Variants in TAS2R1 observed in about 807,000 individuals in gnomAD.
The protein encoded by TAS2R1 is taste 2 receptor member 1.
For synonymous variants in TAS2R1, 141 were observed against 134.2 expected (o/e 1.05, Z -0.35); for missense variants, 370 against 353.4 (o/e 1.05, Z -0.38).
At chr5:9,879,700 T>C in the TAS2R1 span, among the ~76,000 whole-genome samples, 2 of 152,162 alleles carry the variant, frequency 1.3e-5, no homozygotes, top group Non-Finnish European at 2.9e-5. Flanking sequence ...GCCTGACCCA[T>C]AGAGATGTGA....
chr5:9,826,578 T>A, the TAS2R1 span, among the ~76,000 whole-genome samples: 1 of 152,224 alleles, frequency 6.6e-6, no homozygotes, highest in Admixed American at 6.5e-5. Context: ...CATTAATTAG[T>A]AAATTTTCCA....
At chr5:9,886,761 G>A in the TAS2R1 span, among the ~76,000 whole-genome samples, 1,900 of 152,158 alleles carry the variant, frequency 0.012, 39 homozygotes, top group African/African-American at 0.043. Context: ...TCAAAAAACT[G>A]TCTATTGGGT....
the TAS2R1 span, among the ~76,000 whole-genome samples, chr5:9,872,348 C>T: frequency 0.086 from 13,122 of 152,192 alleles, 667 homozygotes; most frequent in East Asian, 0.2. Context: ...GCAGTTCACA[C>T]CAACAAAGAG....
the TAS2R1 span, among the ~76,000 whole-genome samples, chr5:9,786,288 A>G: frequency 2.0e-5 from 3 of 152,210 alleles, no homozygotes; most frequent in African/African-American, 7.2e-5. Flanking sequence ...CATATTTCCT[A>G]GGAAAGATGT....
At chr5:9,679,272 T>C (rs1009131723) in intron 1 of TAS2R1, among the ~76,000 whole-genome samples, 2 of 152,206 alleles carry the variant, frequency 1.3e-5, no homozygotes, top group Non-Finnish European at 2.9e-5. Context: ...AATAATACCG[T>C]GATGGCAAAT....
chr5:9,660,256 T>A (rs1740508543), intron 1 of TAS2R1, among the ~76,000 whole-genome samples: 1 of 141,216 alleles, frequency 7.1e-6, no homozygotes, highest in East Asian at 2.0e-4. Context: ...TTTTGTATTT[T>A]TAGTAGAGAC....
intron 1 of TAS2R1, among the ~76,000 whole-genome samples, chr5:9,668,654 C>G (rs747885239): frequency 6.6e-6 from 1 of 152,020 alleles, no homozygotes; most frequent in Non-Finnish European, 1.5e-5. Context: ...TTATATCTGG[C>G]CAAATTAAGA....
chr5:9,890,468 T>C, the TAS2R1 span, among the ~76,000 whole-genome samples: 2 of 152,150 alleles, frequency 1.3e-5, no homozygotes, highest in African/African-American at 4.8e-5. Flanking sequence ...TTGTAATCAT[T>C]ATTATCTTTT....
At chr5:9,814,778 G>A in the TAS2R1 span, among the ~76,000 whole-genome samples, 1 of 152,136 alleles carries the variant, frequency 6.6e-6, no homozygotes, top group African/African-American at 2.4e-5. Flanking sequence ...AAAAAAAAGT[G>A]TATGACTTTG....
At chr5:9,805,574 A>G in the TAS2R1 span, among the ~76,000 whole-genome samples, 2 of 152,096 alleles carry the variant, frequency 1.3e-5, no homozygotes, top group Non-Finnish European at 2.9e-5. Context: ...TCACACCAGA[A>G]AGGTGGGGAT....
intron 2 of TAS2R1, among the ~76,000 whole-genome samples, chr5:9,646,014 T>C (rs1740179741): frequency 6.6e-6 from 1 of 152,168 alleles, no homozygotes; most frequent in South Asian, 2.1e-4. Context: ...AAGGTAATGA[T>C]GTATTTTCTA....
the TAS2R1 span, among the ~76,000 whole-genome samples, chr5:9,806,302 T>G: frequency 6.6e-6 from 1 of 152,152 alleles, no homozygotes; most frequent in Non-Finnish European, 1.5e-5. Flanking sequence ...AGAATCAATA[T>G]TGTGAAAATG....
chr5:9,692,271 A>T (rs558240668), intron 1 of TAS2R1, among the ~76,000 whole-genome samples: 3 of 152,206 alleles, frequency 2.0e-5, no homozygotes, highest in Non-Finnish European at 4.4e-5. Flanking sequence ...GGACTGCCTG[A>T]GGGATACAGT....
chr5:9,689,897 C>T (rs1313242836), intron 1 of TAS2R1, among the ~76,000 whole-genome samples: 1 of 152,154 alleles, frequency 6.6e-6, no homozygotes, highest in South Asian at 2.1e-4. Flanking sequence ...AATCATCTTG[C>T]TTACTGCACG....
At chr5:9,851,718 C>A in the TAS2R1 span, among the ~76,000 whole-genome samples, 4 of 152,156 alleles carry the variant, frequency 2.6e-5, no homozygotes, top group African/African-American at 9.7e-5. Context: ...GGCCCAGTTG[C>A]TGGACCAATA....
the TAS2R1 span, among the ~76,000 whole-genome samples, chr5:9,730,224 A>C: frequency 6.6e-6 from 1 of 152,220 alleles, no homozygotes; most frequent in Non-Finnish European, 1.5e-5. Context: ...GATCAGACGG[A>C]AGCAAGAGAA....
chr5:9,671,057 T>C (rs1459300698), intron 1 of TAS2R1, among the ~76,000 whole-genome samples: 2 of 152,178 alleles, frequency 1.3e-5, no homozygotes, highest in East Asian at 1.9e-4. Flanking sequence ...ATTATCTCAA[T>C]AGATGTAGAA....
the TAS2R1 span, among the ~76,000 whole-genome samples, chr5:9,780,935 A>T: frequency 6.6e-6 from 1 of 151,926 alleles, no homozygotes; most frequent in Non-Finnish European, 1.5e-5. Flanking sequence ...TGCAGCATCA[A>T]CTCCCTCCTG....
the TAS2R1 span, among the ~76,000 whole-genome samples, chr5:9,848,973 C>T: frequency 6.6e-6 from 1 of 152,278 alleles, no homozygotes; most frequent in South Asian, 2.1e-4. Context: ...ATCTACCATC[C>T]CCTTGACACT....
Sources: allele counts gnomAD v4.1 joint callset (sites outside exome capture counted in the v4.1 genomes callset), GRCh38; gene constraint gnomAD v4.1.1; transcripts MANE v1.5; gene names NCBI Gene and HGNC (gene_info 2026-07-23, HGNC 2026-07-21).